Variants in SYT1 observed in about 807,000 individuals in gnomAD.
SYT1 encodes synaptotagmin 1.
In SYT1, 8 loss-of-function variants were observed where a neutral mutation model predicts 44.8. The ratio of observed to expected loss-of-function variants is 0.18; its 90% CI spans 0.10 to 0.32. SYT1 has a LOEUF of 0.32. SYT1 is among the 10% of genes least tolerant of loss of function. The pLI is 1.00. For missense variants in SYT1, 286 were observed against 509.3 expected, an observed-to-expected ratio of 0.56 and a Z score of 4.22; for synonymous variants, 154 against 188.8, an observed-to-expected ratio of 0.82 and a Z score of 1.51.
rs189722313 is a variant in SYT1 at position 79,017,888 on chromosome 12, C to T, written c.-83-29409C>T. Among the ~76,000 whole-genome samples, 40 of 151,918 alleles carry T rather than the reference C, an allele frequency of 2.6e-4. No individual in the cohort carries two copies. In the East Asian group the frequency reaches 6.0e-3, roughly 23 times the overall value. On this transcript the variant is annotated intron_variant, in intron 2 of 10. Coordinates refer to ENST00000261205, the MANE Select transcript of SYT1 (RefSeq NM_005639.3). ...ATAGAAGTCATGGCATGGTCCAGGCCAAAGGTGAAGAGGTCAGTAGGGATG... is the reference window on the plus strand; with the variant it reads ...ATAGAAGTCATGGCATGGTCCAGGCTAAAGGTGAAGAGGTCAGTAGGGATG...
intron 2 of SYT1, chr12:79,046,374 A>T (rs1158861086): frequency 6.6e-6 from 1 of 152,194 alleles, no homozygotes; most frequent in African/African-American, 2.4e-5. Context: ...GACCTATTTT[A>T]AATATTTCAT....
intron 8 of SYT1, among the ~76,000 whole-genome samples, chr12:79,308,535 A>AGAAG (rs1345526382): frequency 2.2e-5 from 3 of 136,174 alleles, no homozygotes; most frequent in African/African-American, 5.2e-5. Flanking sequence ...GAAGAAATAA[A>AGAAG]GAAAGAAAGA....
chr12:78,974,498 A>G (rs970898085), intron 1 of SYT1, among the ~76,000 whole-genome samples: 8 of 151,864 alleles, frequency 5.3e-5, no homozygotes, highest in Non-Finnish European at 1.0e-4. Flanking sequence ...GTGCAGTGGT[A>G]CGATCTCAGC....
At chr12:79,196,523 G>A (rs758288602) in intron 3 of SYT1, among the ~76,000 whole-genome samples, 1 of 152,054 alleles carries the variant, frequency 6.6e-6, no homozygotes, top group Non-Finnish European at 1.5e-5. Context: ...CCTTAATTTG[G>A]AATTTAATTT....
intron 8 of SYT1, among the ~76,000 whole-genome samples, chr12:79,308,612 A>AAGAAAGAAAGAAAGAAAGAAAGAAAG (rs1462021152): frequency 2.2e-4 from 30 of 134,312 alleles, no homozygotes; most frequent in African/African-American, 7.4e-4. Flanking sequence ...GAAAGAAAGA[A>AAGAAAGAAAGAAAGAAAGAAAGAAAG]AAAGAAAGAA....
chr12:78,998,147 C>T (rs191227203), intron 2 of SYT1, among the ~76,000 whole-genome samples: 94 of 152,312 alleles, frequency 6.2e-4, no homozygotes, highest in African/African-American at 2.1e-3. Context: ...TTGCTTTCTT[C>T]ATAGTTTGCC....
intron 2 of SYT1, among the ~76,000 whole-genome samples, chr12:79,022,679 T>G (rs1872272282): frequency 6.6e-6 from 1 of 151,506 alleles, no homozygotes; most frequent in African/African-American, 2.4e-5. Context: ...ATTAATTATA[T>G]TTTTATTTTT....
chr12:79,218,741 T>C (rs1592864127), intron 4 of SYT1, among the ~76,000 whole-genome samples: 1 of 152,158 alleles, frequency 6.6e-6, no homozygotes, highest in Non-Finnish European at 1.5e-5. Flanking sequence ...CTCAAGTGGA[T>C]GTACCACAGT....
intron 9 of SYT1, among the ~76,000 whole-genome samples, chr12:79,437,736 G>A (rs191775941): frequency 1.3e-4 from 20 of 152,272 alleles, no homozygotes; most frequent in Admixed American, 3.9e-4. Flanking sequence ...TGAAGACATT[G>A]CATTCCAGTG....
intron 2 of SYT1, among the ~76,000 whole-genome samples, chr12:79,025,726 T>C (rs759698387): frequency 6.6e-6 from 1 of 151,606 alleles, no homozygotes; most frequent in Non-Finnish European, 1.5e-5. Context: ...ATGTATGCAT[T>C]CATATATATG....
At chr12:79,320,052 A>G (rs977970297) in intron 8 of SYT1, among the ~76,000 whole-genome samples, 1 of 152,238 alleles carries the variant, frequency 6.6e-6, no homozygotes, top group Non-Finnish European at 1.5e-5. Context: ...AGAGTTTTCT[A>G]AGCCCTTGTG....
At chr12:78,972,944 C>T (rs971851507) in intron 1 of SYT1, among the ~76,000 whole-genome samples, 2 of 152,082 alleles carry the variant, frequency 1.3e-5, no homozygotes, top group Non-Finnish European at 2.9e-5. Flanking sequence ...ATAATTGAAT[C>T]TTACTCTACA....
chr12:79,334,469 G>A (rs1881997253), intron 8 of SYT1, among the ~76,000 whole-genome samples: 1 of 152,112 alleles, frequency 6.6e-6, no homozygotes, highest in African/African-American at 2.4e-5. Context: ...AATGGTCAGG[G>A]AAAGGCTCGG....
intron 9 of SYT1, among the ~76,000 whole-genome samples, chr12:79,357,672 A>T (rs1883164330): frequency 6.6e-6 from 1 of 152,170 alleles, no homozygotes; most frequent in African/African-American, 2.4e-5. Context: ...CTGTATTTGT[A>T]TTGAGATCTT....
chr12:79,394,721 C>A (rs1184411947), intron 9 of SYT1, among the ~76,000 whole-genome samples: 1 of 152,124 alleles, frequency 6.6e-6, no homozygotes, highest in Admixed American at 6.6e-5. Flanking sequence ...AACTAGAATT[C>A]ATCAAAAACA....
chr12:79,250,530 T>C (rs1019936763), intron 4 of SYT1, among the ~76,000 whole-genome samples: 3 of 152,190 alleles, frequency 2.0e-5, no homozygotes, highest in Non-Finnish European at 4.4e-5. Flanking sequence ...TGTTTTTATA[T>C]CTGTGGAAAT....
chr12:79,266,749 G>T (rs760897780), intron 4 of SYT1, among the ~76,000 whole-genome samples: 2 of 152,162 alleles, frequency 1.3e-5, no homozygotes, highest in Non-Finnish European at 2.9e-5. Context: ...AATTGCCATG[G>T]AGAGAAACTG....
chr12:79,333,940 C>T (rs1881972699), intron 8 of SYT1, among the ~76,000 whole-genome samples: 1 of 151,998 alleles, frequency 6.6e-6, no homozygotes, highest in Admixed American at 6.6e-5. Context: ...TTTTTCCTGC[C>T]AAGTTAATTC....
rs372262764 is a variant in SYT1 at position 79,137,206 on chromosome 12, C to T, written c.-17-80297C>T. Among the ~76,000 whole-genome samples the T allele has an allele frequency of 2.6e-5, 4 of 152,026 alleles. No homozygotes were observed. The East Asian group carries it at 7.7e-4, about 29-fold the overall frequency. Reference sequence around the variant, plus strand: ...CACCTCCCTGGTTCAGGCAATTCTCCTGTCTCAGCCTTCCGAGTAGCTGGG... The same window carrying T: ...CACCTCCCTGGTTCAGGCAATTCTCTTGTCTCAGCCTTCCGAGTAGCTGGG... On this transcript the variant is annotated intron_variant, in intron 3 of 10. Coordinates refer to ENST00000261205, the MANE Select transcript of SYT1 (RefSeq NM_005639.3).
Sources: allele counts gnomAD v4.1 joint callset (sites outside exome capture counted in the v4.1 genomes callset), GRCh38; gene constraint gnomAD v4.1.1; transcripts MANE v1.5; gene names NCBI Gene and HGNC (gene_info 2026-07-23, HGNC 2026-07-21).